Variants in DNAJC11 observed in about 807,000 individuals in gnomAD.
DNAJC11 encodes dnaJ homolog subfamily C member 11.
A neutral mutation model predicts 78.6 loss-of-function variants in DNAJC11; 15 were observed. That is an observed-to-expected ratio of 0.19 (90% CI 0.13 to 0.29). The LOEUF is 0.29. DNAJC11 is among the 10% of genes least tolerant of loss of function. The pLI, the probability that DNAJC11 is intolerant of heterozygous loss-of-function variation, is 1.00. For missense variants in DNAJC11, 547 were observed against 709.6 expected, an observed-to-expected ratio of 0.77 and a Z score of 2.60; for synonymous variants, 292 against 272.1, an observed-to-expected ratio of 1.07 and a Z score of -0.72.
At chr1:6,671,250 T>C (rs955174480) in intron 3 of DNAJC11, among the ~76,000 whole-genome samples, 8 of 152,228 alleles carry the variant, frequency 5.3e-5, no homozygotes, top group Non-Finnish European at 8.8e-5. Context: ...TCTTGCTCAA[T>C]TTATTTATTT....
At position 6,651,521 on chromosome 1, in the gene DNAJC11, A is replaced by G. The variant is rs1286289456; in HGVS notation, c.704+8T>C. On this transcript the variant is annotated splice_region_variant and intron_variant, in intron 7 of 15. Coordinates refer to ENST00000377577, the MANE Select transcript of DNAJC11 (RefSeq NM_018198.4). ...CACCAAAGAGGAGCTGCTGTCTCTC[A>G]TATTTACCATCTTGGTGTGAGATTA... 8 of 1,613,164 alleles carry G rather than the reference A, an allele frequency of 5.0e-6. No homozygotes were observed. The highest frequency in any genetic ancestry group is 1.3e-5 in the African/African-American group (1 of 74,926).
intron 4 of DNAJC11, among the ~76,000 whole-genome samples, chr1:6,656,602 A>G (rs1386797912): frequency 1.3e-5 from 2 of 151,802 alleles, no homozygotes; most frequent in Non-Finnish European, 2.9e-5. Context: ...ATTTCAGCTG[A>G]GTGCTGTGGC....
chr1:6,647,841 A>G (rs1183543538), intron 7 of DNAJC11, among the ~76,000 whole-genome samples: 1 of 152,170 alleles, frequency 6.6e-6, no homozygotes, highest in Admixed American at 6.6e-5. Context: ...AACAAAAAAA[A>G]GAAGCTGGCA....
chr1:6,654,277 GGTCCGCATGTCTGCAGAGCAATGACAC>G lies in DNAJC11; in HGVS notation c.379-265_379-239del, dbSNP rs566013703. On this transcript the variant is annotated intron_variant, in intron 4 of 15. Transcript: ENST00000377577. ...AAAACATCATTTGACCAGGAGAGCC[GGTCCGCATGTCTGCAGAGCAATGACAC>G]GCCAAAGACAAAAGTGTTAGTCAAA... 1.7e-3 allele frequency: 670 copies of G among 386,418 alleles called. 12 individuals are homozygous for G. The highest frequency in any genetic ancestry group is 0.014 in the South Asian group (492 of 36,044). 23.9% of individuals were successfully genotyped at this position (386,418 alleles called of 1,614,324 possible). A position where few individuals can be genotyped will look rare whatever the true frequency, so the allele number is the denominator to read the frequency against.
chr1:6,673,343 GAT>G (rs1255718304), intron 3 of DNAJC11, among the ~76,000 whole-genome samples: 2 of 151,468 alleles, frequency 1.3e-5, no homozygotes, highest in African/African-American at 4.9e-5. Flanking sequence ...GGAATGAGGA[GAT>G]ATCCAAAAGC....
chr1:6,682,881 C>T lies in DNAJC11; in HGVS notation c.73-1844G>A, dbSNP rs546089319. ...CTGAGGTTGCAGTGAGCTATGACTG[C>T]ACCACTGCACTCCAGCCTGGGTGAC... On this transcript the variant is annotated intron_variant, in intron 1 of 15. Coordinates refer to ENST00000377577, the MANE Select transcript of DNAJC11 (RefSeq NM_018198.4). Among the ~76,000 whole-genome samples the T allele has an allele frequency of 3.1e-3, 474 of 152,218 alleles. 5 individuals carry two copies. The highest frequency in any genetic ancestry group is 8.7e-3 in the East Asian group (45 of 5,158).
Position 6,640,069 on chromosome 1 carries a change from TACAA to T in DNAJC11, c.1098-16_1098-13del. The T allele has an allele frequency of 1.2e-6, 1 of 862,748 alleles. No individual in the cohort carries two copies. The highest frequency in any genetic ancestry group is 1.4e-6 in the Non-Finnish European group (1 of 714,508). 53.4% of individuals were successfully genotyped at this position (862,748 alleles called of 1,614,324 possible). Reference sequence around the variant, plus strand: ...TGGCCCTGTTGAGCCTGGGGAAAAATACAAAAAAAAAAAAAAAAAAGCCAAGATG... The same window carrying T: ...TGGCCCTGTTGAGCCTGGGGAAAAATAAAAAAAAAAAAAAAAGCCAAGATG... On this transcript the variant is annotated splice_polypyrimidine_tract_variant and intron_variant, in intron 10 of 15. Coordinates refer to ENST00000377577, the MANE Select transcript of DNAJC11 (RefSeq NM_018198.4).
At chr1:6,688,131 C>T (rs550433863) in intron 1 of DNAJC11, among the ~76,000 whole-genome samples, 35 of 152,230 alleles carry the variant, frequency 2.3e-4, no homozygotes, top group African/African-American at 6.5e-4. Context: ...CAATATCTGC[C>T]AGATGAAAAG....
intron 3 of DNAJC11, among the ~76,000 whole-genome samples, chr1:6,671,302 G>GTGCGATCTCGGCTCAC (rs1642375931): frequency 6.6e-6 from 1 of 152,210 alleles, no homozygotes; most frequent in African/African-American, 2.4e-5. Flanking sequence ...GAGTGTAGTG[G>GTGCGATCTCGGCTCAC]TGCGATCTCG....
chr1:6,688,432 A>G (rs1389312251), intron 1 of DNAJC11, among the ~76,000 whole-genome samples: 1 of 152,226 alleles, frequency 6.6e-6, no homozygotes, highest in African/African-American at 2.4e-5. Flanking sequence ...CCCTTCAATC[A>G]GTAAGTTTAC....
intron 3 of DNAJC11, among the ~76,000 whole-genome samples, chr1:6,673,573 T>C (rs937854564): frequency 3.3e-5 from 5 of 152,180 alleles, no homozygotes; most frequent in African/African-American, 1.2e-4. Flanking sequence ...CAGAAATTTC[T>C]AGTATAGCCT....
intron 10 of DNAJC11, among the ~76,000 whole-genome samples, chr1:6,644,178 G>C (rs929409764): frequency 6.6e-6 from 1 of 151,902 alleles, no homozygotes; most frequent in Admixed American, 6.6e-5. Context: ...CTCCAGGCTG[G>C]AGTGCAGTGG....
At chr1:6,679,823 A>G (rs1470782369) in intron 2 of DNAJC11, among the ~76,000 whole-genome samples, 1 of 152,222 alleles carries the variant, frequency 6.6e-6, no homozygotes, top group African/African-American at 2.4e-5. Context: ...CTATGTGGCT[A>G]ATTTAGACAA....
intron 10 of DNAJC11, among the ~76,000 whole-genome samples, chr1:6,641,879 G>C (rs962246344): frequency 6.6e-6 from 1 of 152,156 alleles, no homozygotes; most frequent in African/African-American, 2.4e-5. Flanking sequence ...TGTCTGATGA[G>C]GAGTGCAGGA....
Position 6,645,167 on chromosome 1 carries a change from G to C in DNAJC11, c.895-41C>G, listed in dbSNP as rs201840434. 33 of 1,520,316 alleles carry C rather than the reference G, an allele frequency of 2.2e-5. No homozygotes were observed. The African/African-American group carries it at 4.4e-4, about 20-fold the overall frequency. The allele number at this position is 1,520,316 out of a possible 1,614,324, so 94.2% of individuals were successfully genotyped here. A position where few individuals can be genotyped will look rare whatever the true frequency, so the allele number is the denominator to read the frequency against. ...GTGCAAGGATGCGTGGCTAGGGCGT[G>C]TGACTCTGTGGGGAGATGGGTATCT... On this transcript the variant is annotated intron_variant, in intron 8 of 15. Coordinates refer to ENST00000377577, the MANE Select transcript of DNAJC11 (RefSeq NM_018198.4). This position sits in a 1 kb window ranked among gnomAD's most constrained non-coding sequence, Gnocchi z 4.1.
At chr1:6,657,025 C>A (rs1371564246) in intron 4 of DNAJC11, among the ~76,000 whole-genome samples, 1 of 152,164 alleles carries the variant, frequency 6.6e-6, no homozygotes, top group African/African-American at 2.4e-5. Context: ...TAGTGTGACA[C>A]ACTGTGGAAG....
At chr1:6,669,275 C>T (rs1412019752) in intron 3 of DNAJC11, among the ~76,000 whole-genome samples, 1 of 151,268 alleles carries the variant, frequency 6.6e-6, no homozygotes, top group Non-Finnish European at 1.5e-5. Context: ...TTTGGGAGGC[C>T]GAGGCGGGTG....
chr1:6,652,929 G>C lies in DNAJC11; in HGVS notation c.530C>G (p.Thr177Arg). ...SIEAPLTATD[T>R]AILSGSLSTQ... is the part of the protein sequence containing the mutation. The stretch of plus-strand genomic sequence containing the variant: ...TGAGAGGCTTCCAGAGAGGATGGCT[G>C]TGTCTGTCGCTGTCAAGGGTGCCTA... The change falls in exon 6 of 16, where the codon ACA (threonine) becomes AGA (arginine). Residue 177 changes from threonine (T) to arginine (R), a missense_variant. By Grantham distance (71) the Thr-to-Arg change is moderately conservative. Transcript: ENST00000377577. 1.2e-6 allele frequency: 2 copies of C among 1,614,184 alleles called. No individual in the cohort carries two copies. The highest frequency in any genetic ancestry group is 1.7e-6 in the Non-Finnish European group (2 of 1,180,032).
chr1:6,638,885 T>A (rs1641828906), intron 11 of DNAJC11, among the ~76,000 whole-genome samples: 1 of 152,162 alleles, frequency 6.6e-6, no homozygotes, highest in African/African-American at 2.4e-5. Flanking sequence ...TGTAACAAAG[T>A]ATGGGCCTTG....
Sources: gnomAD v4.1 joint callset for allele counts (sites outside exome capture counted in the v4.1 genomes callset) on GRCh38, gnomAD v4.1.1 for gene constraint, Gnocchi (gnomAD v3.1) non-coding constraint, MANE v1.5 for transcripts, NCBI Gene and HGNC (gene_info 2026-07-23, HGNC 2026-07-21) for gene names.